The following SNPH variants were observed in gnomAD, a reference collection of about 807,000 sequenced individuals.
SNPH encodes the protein syntaphilin.
SNPH carries 10 observed loss-of-function variants against 36.8 expected under a neutral mutation model. The observed-to-expected ratio is 0.27, with a 90% CI of 0.17 to 0.46. SNPH has a LOEUF of 0.46. Ranked by LOEUF, SNPH falls within the 20% of genes least tolerant of loss-of-function variation. The probability of loss-of-function intolerance (pLI) is 1.00; values close to 1 mark genes in which losing one functional copy is unlikely to be tolerated. For missense variants in SNPH, 622 were observed against 744.0 expected (o/e 0.84, Z 1.91); for synonymous variants, 281 against 312.2 (o/e 0.90, Z 1.05).
At chr20:1,272,835 G>A (rs2088088493) in intron 2 of SNPH, among the ~76,000 whole-genome samples, 2 of 152,244 alleles carry the variant, frequency 1.3e-5, no homozygotes, top group African/African-American at 4.8e-5. Flanking sequence ...CCCTGATGGT[G>A]CCCCTTCCCT....
At chr20:1,296,953 C>A in intron 4 of SNPH, 192 bp from the exon 5 acceptor site, 1 of 736,042 alleles carries the variant, frequency 1.4e-6, no homozygotes, top group Non-Finnish European at 1.7e-6. Flanking sequence ...CAGCCTTCTT[C>A]TGGTTTTCCA....
intron 2 of SNPH, among the ~76,000 whole-genome samples, chr20:1,280,228 A>G (rs1328224759): frequency 6.6e-6 from 1 of 152,168 alleles, no homozygotes; most frequent in Non-Finnish European, 1.5e-5. Flanking sequence ...GTGCATGCAC[A>G]TATACATGTA....
chr20:1,269,259 A>G (rs2088044353), intron 2 of SNPH, among the ~76,000 whole-genome samples: 1 of 152,036 alleles, frequency 6.6e-6, no homozygotes. Context: ...GATTTCTAAG[A>G]CCCCTTCTGC....
chr20:1,297,277 C>G, intron 5 of SNPH, 25 bp downstream of exon 5: 1 of 1,601,762 alleles, frequency 6.2e-7, no homozygotes, highest in Non-Finnish European at 8.5e-7. Context: ...CTCTCTGGGC[C>G]TGGCCCTGCT....
At chr20:1,291,488 C>T (rs1011187177) in intron 2 of SNPH, among the ~76,000 whole-genome samples, 1 of 152,238 alleles carries the variant, frequency 6.6e-6, no homozygotes. Flanking sequence ...TGCTAATCTT[C>T]TGAGATCTAG....
intron 2 of SNPH, among the ~76,000 whole-genome samples, chr20:1,275,543 A>G (rs2088122056): frequency 6.6e-6 from 1 of 152,138 alleles, no homozygotes; most frequent in Non-Finnish European, 1.5e-5. Flanking sequence ...AATTTAAGCA[A>G]TTTGTCCATG....
intron 5 of SNPH, among the ~76,000 whole-genome samples, chr20:1,298,788 G>A (rs1178513004): frequency 1.4e-5 from 2 of 141,358 alleles, no homozygotes; most frequent in Admixed American, 7.1e-5. Context: ...GCGTCACAGC[G>A]TATTTTTTTT....
chr20:1,278,513 C>A (rs1429609569), intron 2 of SNPH, among the ~76,000 whole-genome samples: 1 of 152,120 alleles, frequency 6.6e-6, no homozygotes, highest in African/African-American at 2.4e-5. Context: ...AAAGTTTCCT[C>A]CCCCTTCATC....
rs2088402890 is a variant in SNPH at position 1,294,449 on chromosome 20, C to T, written c.-492-502C>T. ...TCCTCTTACCCCCAAATCGCCCCTC[C>T]TCCATGGTTCCTGCTCTAGGGGCCA... On this transcript the variant is annotated intron_variant, in intron 2 of 6. Coordinates refer to ENST00000381867, the MANE Select transcript of SNPH (RefSeq NM_001318234.2). The surrounding 1 kb of genome is among the most constrained non-coding windows in gnomAD (Gnocchi z 4.4). 6.6e-6 allele frequency among the ~76,000 whole-genome samples: 1 copy of T among 152,224 alleles called. No individual in the cohort carries two copies. The highest frequency in any genetic ancestry group is 2.1e-4 in the South Asian group (1 of 4,832).
chr20:1,295,616 G>C (rs1024372488), intron 3 of SNPH, among the ~76,000 whole-genome samples, 160 bp from the exon 4 acceptor site: 14 of 152,248 alleles, frequency 9.2e-5, no homozygotes, highest in African/African-American at 3.1e-4. Context: ...GGACCTGGCT[G>C]CATGTCCTGC....
intron 2 of SNPH, among the ~76,000 whole-genome samples, chr20:1,269,832 A>T (rs1428693495): frequency 6.6e-6 from 1 of 152,234 alleles, no homozygotes; most frequent in Non-Finnish European, 1.5e-5. Flanking sequence ...CACAGGTTCA[A>T]TAATTTACTG....
chr20:1,277,549 GTGTA>G (rs2088148954), intron 2 of SNPH, among the ~76,000 whole-genome samples: 1 of 24,046 alleles, frequency 4.2e-5, no homozygotes, highest in African/African-American at 1.1e-4. Flanking sequence ...GTGTCTGTGT[GTGTA>G]TCTGTGTGTG....
intron 2 of SNPH, among the ~76,000 whole-genome samples, chr20:1,277,644 CTG>C (rs2088152797): frequency 1.3e-5 from 1 of 74,304 alleles, no homozygotes; most frequent in African/African-American, 5.4e-5. Flanking sequence ...GTGTCTGTGC[CTG>C]TGTGTCTGTG....
intron 2 of SNPH, among the ~76,000 whole-genome samples, chr20:1,274,203 A>G (rs1250988429): frequency 6.6e-6 from 1 of 152,102 alleles, no homozygotes; most frequent in Non-Finnish European, 1.5e-5. Flanking sequence ...CACCGTAGTG[A>G]CAGGATAGCA....
At chr20:1,303,858 G>A (rs572736910) in intron 6 of SNPH, among the ~76,000 whole-genome samples, 1 of 152,232 alleles carries the variant, frequency 6.6e-6, no homozygotes, top group African/African-American at 2.4e-5. Flanking sequence ...AGGCTGAGGG[G>A]GCTCATGTGG....
chr20:1,301,163 T>C (rs1446425532), intron 6 of SNPH, among the ~76,000 whole-genome samples: 1 of 152,162 alleles, frequency 6.6e-6, no homozygotes, highest in African/African-American at 2.4e-5. Flanking sequence ...GTGGCCAACC[T>C]CGACTTCAGG....
In SNPH at chr20:1,266,539, C is replaced by T. The variant is rs1191262178; in HGVS notation, c.-599-115C>T. 53 of 1,356,642 alleles carry T rather than the reference C, an allele frequency of 3.9e-5. No homozygotes were observed. The East Asian group carries it at 1.0e-3, about 26-fold the overall frequency. 84.0% of individuals were successfully genotyped at this position (1,356,642 alleles called of 1,614,324 possible). A position where few individuals can be genotyped will look rare whatever the true frequency, so the allele number is the denominator to read the frequency against. ...CGGAGCACCCGGCAGGCAGCCTGCC[C>T]TCCAAGCCTTCTGGCTGCAGCGGCC... is the stretch of plus-strand genomic sequence containing the variant. On this transcript the variant is annotated intron_variant, in intron 1 of 6. Coordinates refer to ENST00000381867, the MANE Select transcript of SNPH (RefSeq NM_001318234.2). This position sits in a 1 kb window ranked among gnomAD's most constrained non-coding sequence, Gnocchi z 6.0.
chr20:1,288,054 A>T (rs1312749425), intron 2 of SNPH, among the ~76,000 whole-genome samples: 1 of 152,130 alleles, frequency 6.6e-6, no homozygotes, highest in Non-Finnish European at 1.5e-5. Context: ...ACTACTCCCT[A>T]CCCAGACGGG....
At chr20:1,298,645 C>T (rs1263118328) in intron 5 of SNPH, among the ~76,000 whole-genome samples, 2 of 152,208 alleles carry the variant, frequency 1.3e-5, no homozygotes, top group African/African-American at 4.8e-5. Flanking sequence ...AACCCCAGGG[C>T]TGAGAATTGC....
Sources: allele counts gnomAD v4.1 joint callset (sites outside exome capture counted in the v4.1 genomes callset), GRCh38; gene constraint gnomAD v4.1.1; non-coding constraint Gnocchi (gnomAD v3.1); transcripts MANE v1.5; gene names NCBI Gene and HGNC (gene_info 2026-07-23, HGNC 2026-07-21).